Variants in PSD3 observed in about 807,000 individuals in gnomAD.
PSD3 encodes pleckstrin and Sec7 domain containing 3.
PSD3 carries 49 observed loss-of-function variants against 105.5 expected under a neutral mutation model. The observed-to-expected ratio is 0.46, with a 90% CI of 0.37 to 0.59. PSD3 has a LOEUF of 0.59. Ranked by LOEUF, PSD3 falls within the 20% of genes least tolerant of loss-of-function variation. The pLI is 0.00. For synonymous variants in PSD3, 557 were observed against 457.8 expected (o/e 1.22, Z -2.77); for missense variants, 1,561 against 1,263.8 (o/e 1.24, Z -3.57).
chr8:18,772,961 A>C (rs9644567), intron 8 of PSD3, among the ~76,000 whole-genome samples: 1 of 152,144 alleles, frequency 6.6e-6, no homozygotes, highest in African/African-American at 2.4e-5. Flanking sequence ...ATTTGTAAAT[A>C]TTTTATTCTA....
rs143022862 is a variant in PSD3 at position 18,818,830 on chromosome 8, C to T, written c.1635-13932G>A. ...CTTATATTAGTGACAGTCAGAACCT[C>T]CTAACAGATTGTTAGAGTAAATTTA... On this transcript the variant is annotated intron_variant, in intron 4 of 15. Coordinates refer to ENST00000327040, the MANE Select transcript of PSD3 (RefSeq NM_015310.4). 7.0e-3 allele frequency among the ~76,000 whole-genome samples: 1,065 copies of T among 152,146 alleles called. 11 individuals carry two copies. Among genetic ancestry groups the T allele is most frequent in the African/African-American group, 0.024 (1,000 of 41,490 alleles).
chr8:18,583,161 G>A (rs1802931494), intron 12 of PSD3, among the ~76,000 whole-genome samples: 1 of 152,126 alleles, frequency 6.6e-6, no homozygotes. Flanking sequence ...TATAAATGCT[G>A]TGCATGGTGG....
chr8:18,987,836 A>G (rs1360508009), intron 1 of PSD3, among the ~76,000 whole-genome samples: 1 of 152,190 alleles, frequency 6.6e-6, no homozygotes. Flanking sequence ...AAGAAAGAAA[A>G]TAATAAATCC....
chr8:18,603,404 G>C (rs1211010633), intron 11 of PSD3, among the ~76,000 whole-genome samples: 1 of 151,836 alleles, frequency 6.6e-6, no homozygotes, highest in African/African-American at 2.4e-5. Flanking sequence ...TTGCTTTTTG[G>C]AGGCCATTTT....
chr8:18,746,949 T>A (rs1805080380), intron 9 of PSD3, among the ~76,000 whole-genome samples: 1 of 152,234 alleles, frequency 6.6e-6, no homozygotes, highest in Non-Finnish European at 1.5e-5. Context: ...TAGGCATGGA[T>A]ATTTTCTCAG....
At chr8:18,594,129 A>ATTT (rs1554518962) in intron 12 of PSD3, among the ~76,000 whole-genome samples, 1 of 30,122 alleles carries the variant, frequency 3.3e-5, no homozygotes, top group Non-Finnish European at 6.9e-5. Context: ...ATAATAATAT[A>ATTT]TATTATATAT....
intron 1 of PSD3, among the ~76,000 whole-genome samples, chr8:19,043,004 C>G (rs1011377072): frequency 2.0e-5 from 3 of 152,158 alleles, no homozygotes; most frequent in African/African-American, 7.2e-5. Flanking sequence ...TCAATTCAAC[C>G]TACCTCCTCT....
intron 2 of PSD3, among the ~76,000 whole-genome samples, chr8:18,881,001 T>G (rs576143984): frequency 6.6e-6 from 1 of 152,330 alleles, no homozygotes; most frequent in South Asian, 2.1e-4. Context: ...AGTTTTCACA[T>G]TCATGTGAAA....
intron 4 of PSD3, among the ~76,000 whole-genome samples, chr8:18,809,055 C>T (rs1165728206): frequency 6.6e-6 from 1 of 152,146 alleles, no homozygotes; most frequent in East Asian, 1.9e-4. Flanking sequence ...CAGCCTCGTT[C>T]ACACTTGATA....
At chr8:18,936,395 G>C (rs1822138278) in intron 1 of PSD3, among the ~76,000 whole-genome samples, 1 of 152,108 alleles carries the variant, frequency 6.6e-6, no homozygotes, top group Admixed American at 6.5e-5. Context: ...AAAATAAAAA[G>C]GATGGCTTGA....
chr8:18,655,282 T>C (rs1225347430), intron 10 of PSD3, among the ~76,000 whole-genome samples: 1 of 148,552 alleles, frequency 6.7e-6, no homozygotes, highest in African/African-American at 2.5e-5. Flanking sequence ...TGAGCCGAGA[T>C]TGCGCCACTG....
intron 1 of PSD3, among the ~76,000 whole-genome samples, chr8:19,035,216 T>C (rs539533254): frequency 6.6e-6 from 1 of 152,350 alleles, no homozygotes; most frequent in South Asian, 2.1e-4. Context: ...ATTATAGCAC[T>C]ACATAATAAT....
chr8:18,852,801 G>T (rs780536827), intron 4 of PSD3, among the ~76,000 whole-genome samples: 6 of 152,146 alleles, frequency 3.9e-5, no homozygotes, highest in Non-Finnish European at 8.8e-5. Flanking sequence ...CTCACATAAG[G>T]AAGCACAATT....
intron 4 of PSD3, among the ~76,000 whole-genome samples, chr8:18,854,899 C>T (rs1471306731): frequency 6.6e-6 from 1 of 152,086 alleles, no homozygotes; most frequent in Non-Finnish European, 1.5e-5. Context: ...TGTTGGTTGT[C>T]CAAAGCCTGC....
intron 2 of PSD3, among the ~76,000 whole-genome samples, chr8:18,875,303 A>G (rs1401162245): frequency 1.3e-5 from 2 of 152,212 alleles, no homozygotes; most frequent in Non-Finnish European, 2.9e-5. Context: ...TCTACAAGAC[A>G]GAACTAATAA....
intron 9 of PSD3, among the ~76,000 whole-genome samples, chr8:18,656,497 TCC>T (rs1253675596): frequency 3.6e-5 from 2 of 55,446 alleles, no homozygotes; most frequent in African/African-American, 1.0e-4. Context: ...ACTGACTTAA[TCC>T]AGTTTTTATT....
intron 9 of PSD3, among the ~76,000 whole-genome samples, chr8:18,735,081 C>G (rs1804048292): frequency 1.3e-5 from 2 of 152,158 alleles, no homozygotes; most frequent in South Asian, 4.1e-4. Flanking sequence ...AAACTGTTTA[C>G]TAAAACTAGG....
At chr8:19,019,002 G>A (rs921352609) in intron 1 of PSD3, among the ~76,000 whole-genome samples, 19 of 152,262 alleles carry the variant, frequency 1.2e-4, no homozygotes, top group African/African-American at 4.1e-4. Context: ...TCACCATGTT[G>A]GACAGGATAG....
chr8:18,564,381 C>A (rs1164649155), intron 14 of PSD3, among the ~76,000 whole-genome samples: 1 of 152,100 alleles, frequency 6.6e-6, no homozygotes, highest in Non-Finnish European at 1.5e-5. Flanking sequence ...GTAATCCCAA[C>A]ACTTTGGGAG....
Sources: gnomAD v4.1 joint callset for allele counts (sites outside exome capture counted in the v4.1 genomes callset) on GRCh38, gnomAD v4.1.1 for gene constraint, MANE v1.5 for transcripts, NCBI Gene and HGNC (gene_info 2026-07-23, HGNC 2026-07-21) for gene names.